The following LRMDA variants were observed in gnomAD, a reference collection of about 807,000 sequenced individuals.
LRMDA encodes leucine-rich melanocyte differentiation-associated protein.
Under a neutral mutation model 29.8 loss-of-function variants are expected in LRMDA, and 18 were observed. The observed-to-expected ratio is 0.60, with a 90% CI of 0.42 to 0.90. The LOEUF is 0.90. Ranked by LOEUF, LRMDA falls within the 40% of genes least tolerant of loss-of-function variation. LRMDA has a pLI of 0.00. For synonymous variants in LRMDA, 125 were observed against 109.4 expected (o/e 1.14, Z -0.89); for missense variants, 273 against 273.9 (o/e 1.00, Z 0.02).
At chr10:75,829,366 A>G (rs1400875593) in intron 2 of LRMDA, among the ~76,000 whole-genome samples, 1 of 152,178 alleles carries the variant, frequency 6.6e-6, no homozygotes, top group Non-Finnish European at 1.5e-5. Flanking sequence ...AGTTCTCGGG[A>G]GAACAGTTGT....
chr10:76,289,221 C>A (rs748419316), intron 5 of LRMDA, among the ~76,000 whole-genome samples: 1 of 152,024 alleles, frequency 6.6e-6, no homozygotes, highest in Non-Finnish European at 1.5e-5. Flanking sequence ...GGGGGAAATT[C>A]GGAGAAAAGA....
intron 2 of LRMDA, among the ~76,000 whole-genome samples, chr10:75,571,302 G>A (rs187069961): frequency 2.0e-4 from 30 of 152,274 alleles, no homozygotes; most frequent in Admixed American, 1.9e-3. Context: ...TTAACATAAG[G>A]TTCTTTTAAA....
chr10:76,194,569 A>G (rs928140254), intron 5 of LRMDA, among the ~76,000 whole-genome samples: 1 of 152,198 alleles, frequency 6.6e-6, no homozygotes, highest in Non-Finnish European at 1.5e-5. Flanking sequence ...GGGAATCCTG[A>G]AAGGTGCAAA....
intron 2 of LRMDA, among the ~76,000 whole-genome samples, chr10:75,847,474 T>C (rs72811429): frequency 1.9e-3 from 287 of 152,184 alleles, no homozygotes; most frequent in Middle Eastern, 3.4e-3. Context: ...TGACACCAAA[T>C]GCACAGGCAA....
intron 4 of LRMDA, among the ~76,000 whole-genome samples, chr10:76,052,794 C>G (rs563818386): frequency 6.6e-6 from 1 of 152,120 alleles, no homozygotes; most frequent in Non-Finnish European, 1.5e-5. Flanking sequence ...ACCCCACCTT[C>G]TGTATCTCAG....
intron 2 of LRMDA, among the ~76,000 whole-genome samples, chr10:75,455,694 T>G (rs924082765): frequency 2.0e-5 from 3 of 152,218 alleles, no homozygotes; most frequent in African/African-American, 7.2e-5. Context: ...GCATACCTTA[T>G]GTACACACAG....
At chr10:75,890,431 G>A (rs1222766227) in intron 2 of LRMDA, among the ~76,000 whole-genome samples, 1 of 152,196 alleles carries the variant, frequency 6.6e-6, no homozygotes, top group African/African-American at 2.4e-5. Context: ...AGTAGTGTCA[G>A]GATGTAATCA....
At chr10:76,353,574 G>T (rs1016727962) in intron 6 of LRMDA, among the ~76,000 whole-genome samples, 1 of 152,068 alleles carries the variant, frequency 6.6e-6, no homozygotes, top group African/African-American at 2.4e-5. Context: ...TGTACAATCA[G>T]GGGAGACATA....
chr10:76,441,405 T>C (rs915316272), intron 6 of LRMDA, among the ~76,000 whole-genome samples: 2 of 152,332 alleles, frequency 1.3e-5, no homozygotes, highest in South Asian at 2.1e-4. Context: ...ACTGACCTTC[T>C]ATGTGCCACG....
intron 2 of LRMDA, chr10:75,642,599 T>A (rs1221622836): frequency 6.6e-6 from 1 of 152,216 alleles, no homozygotes; most frequent in Non-Finnish European, 1.5e-5. Context: ...GTTTTCCCAG[T>A]CTGAAGGGCA....
At chr10:76,228,132 C>G (rs887655512) in intron 5 of LRMDA, among the ~76,000 whole-genome samples, 8 of 151,804 alleles carry the variant, frequency 5.3e-5, no homozygotes, top group Non-Finnish European at 7.4e-5. Context: ...AGTGATTCTC[C>G]TGCCTCAGCC....
At chr10:75,762,275 C>T (rs1843106909) in intron 2 of LRMDA, among the ~76,000 whole-genome samples, 1 of 152,236 alleles carries the variant, frequency 6.6e-6, no homozygotes, top group African/African-American at 2.4e-5. Flanking sequence ...CAACTCACAG[C>T]CCATGGGTCA....
chr10:75,624,610 A>T (rs1339224158), intron 2 of LRMDA, among the ~76,000 whole-genome samples: 2 of 152,168 alleles, frequency 1.3e-5, no homozygotes, highest in African/African-American at 4.8e-5. Context: ...ATCTAGGATG[A>T]TAGAATAATA....
intron 2 of LRMDA, among the ~76,000 whole-genome samples, chr10:75,941,110 G>T (rs1846383292): frequency 6.6e-6 from 1 of 152,148 alleles, no homozygotes; most frequent in South Asian, 2.1e-4. Context: ...TAATCATTCT[G>T]CAAATATCAA....
intron 2 of LRMDA, among the ~76,000 whole-genome samples, chr10:75,477,482 C>A (rs555037203): frequency 6.6e-6 from 1 of 152,318 alleles, no homozygotes; most frequent in East Asian, 1.9e-4. Context: ...GTTCCAGGCT[C>A]ACTCTGAATC....
At chr10:76,113,475 GA>G (rs568339242) in intron 5 of LRMDA, among the ~76,000 whole-genome samples, 18 of 152,118 alleles carry the variant, frequency 1.2e-4, no homozygotes, top group African/African-American at 3.9e-4. Flanking sequence ...GATGAGGGGG[GA>G]AAAAACCAAC....
At chr10:75,930,743 T>G (rs1846192870) in intron 2 of LRMDA, among the ~76,000 whole-genome samples, 1 of 152,218 alleles carries the variant, frequency 6.6e-6, no homozygotes. Context: ...TTCATTTAGT[T>G]GATGTTGCTG....
intron 6 of LRMDA, among the ~76,000 whole-genome samples, chr10:76,410,923 G>A (rs1365927555): frequency 6.6e-6 from 1 of 152,078 alleles, no homozygotes; most frequent in East Asian, 1.9e-4. Flanking sequence ...TCCAGCCTGG[G>A]CAACAGAGCG....
intron 6 of LRMDA, among the ~76,000 whole-genome samples, chr10:76,381,125 A>G (rs551153451): frequency 4.0e-5 from 6 of 151,306 alleles, no homozygotes; most frequent in Non-Finnish European, 1.5e-5. Flanking sequence ...CAAGCAAGCA[A>G]ATCTAATTCT....
Sources: gnomAD v4.1 joint callset for allele counts (sites outside exome capture counted in the v4.1 genomes callset) on GRCh38, gnomAD v4.1.1 for gene constraint, MANE v1.5 for transcripts, NCBI Gene and HGNC (gene_info 2026-07-23, HGNC 2026-07-21) for gene names.